Variants in SUPT3H observed in about 807,000 individuals in gnomAD.
The protein encoded by SUPT3H is transcription initiation protein SPT3 homolog.
SUPT3H carries 44 observed loss-of-function variants against 44.3 expected under a neutral mutation model. The observed-to-expected ratio is 0.99, with a 90% CI of 0.78 to 1.28. The LOEUF (loss-of-function observed/expected upper bound fraction) is 1.28. Among genes scored for constraint, SUPT3H ranks in the 50% most tolerant of loss-of-function variants. The pLI, the probability that SUPT3H is intolerant of heterozygous loss-of-function variation, is 0.00. For synonymous variants in SUPT3H, 124 were observed against 125.6 expected, an observed-to-expected ratio of 0.99 and a Z score of 0.09; for missense variants, 380 against 387.1, an observed-to-expected ratio of 0.98 and a Z score of 0.15.
In SUPT3H at chr6:45,115,940, G is replaced by A. The variant is rs915501815; in HGVS notation, c.102-9934C>T. 5.9e-5 allele frequency among the ~76,000 whole-genome samples: 9 copies of A among 152,142 alleles called. No individual in the cohort carries two copies. In the Middle Eastern group the frequency reaches 0.017, roughly 287 times the overall value. Reference sequence around the variant, plus strand: ...CTCATTCCAGTAAACACACCCTTGAGTGCCAACCAATCAACAACATTCTCA... The same window carrying A: ...CTCATTCCAGTAAACACACCCTTGAATGCCAACCAATCAACAACATTCTCA... On this transcript the variant is annotated intron_variant, in intron 2 of 10. Coordinates refer to ENST00000371459, the MANE Select transcript of SUPT3H (RefSeq NM_003599.4).
intron 2 of SUPT3H, among the ~76,000 whole-genome samples, chr6:45,299,335 C>CA (rs10657198): frequency 0.77 from 107,005 of 138,302 alleles, 41,633 homozygotes; most frequent in East Asian, 0.85. Flanking sequence ...GACTCTGCCT[C>CA]AAAAAAAAAA....
intron 4 of SUPT3H, among the ~76,000 whole-genome samples, chr6:45,016,105 T>G (rs1056986679): frequency 2.0e-5 from 3 of 152,128 alleles, no homozygotes; most frequent in Admixed American, 6.6e-5. Flanking sequence ...CATAATTTTA[T>G]GTGCTATGCT....
chr6:45,303,150 T>C (rs1027411846), intron 2 of SUPT3H, among the ~76,000 whole-genome samples: 3 of 152,098 alleles, frequency 2.0e-5, no homozygotes, highest in Non-Finnish European at 2.9e-5. Context: ...ATATAAAACC[T>C]GAAACTATAA....
At chr6:45,207,971 A>C (rs1029404812) in intron 2 of SUPT3H, among the ~76,000 whole-genome samples, 5 of 152,232 alleles carry the variant, frequency 3.3e-5, no homozygotes, top group Non-Finnish European at 7.3e-5. Flanking sequence ...AGAAAGAATT[A>C]AGCTTAGTTA....
At chr6:44,884,458 G>A (rs1334146071) in intron 10 of SUPT3H, among the ~76,000 whole-genome samples, 1 of 152,116 alleles carries the variant, frequency 6.6e-6, no homozygotes, top group Non-Finnish European at 1.5e-5. Context: ...ATTCCTCCAG[G>A]ATCTAGAAGC....
chr6:45,328,721 G>A, intron 2 of SUPT3H: 1 of 1,612,000 alleles, frequency 6.2e-7, no homozygotes, highest in Non-Finnish European at 8.5e-7. Context: ...AAAAAAAGGA[G>A]GGACTATGGC....
At chr6:44,934,720 C>T (rs968952831) in intron 9 of SUPT3H, among the ~76,000 whole-genome samples, 2 of 152,176 alleles carry the variant, frequency 1.3e-5, no homozygotes, top group African/African-American at 4.8e-5. Context: ...TGCCTATGAA[C>T]CAGGAAGTGG....
At chr6:45,289,588 A>C (rs775521202) in intron 2 of SUPT3H, among the ~76,000 whole-genome samples, 2 of 152,162 alleles carry the variant, frequency 1.3e-5, no homozygotes, top group Non-Finnish European at 2.9e-5. Flanking sequence ...TATTAAAGAG[A>C]TATCATCTGA....
At chr6:45,174,512 T>C (rs1417807189) in intron 2 of SUPT3H, among the ~76,000 whole-genome samples, 1 of 152,142 alleles carries the variant, frequency 6.6e-6, no homozygotes, top group Non-Finnish European at 1.5e-5. Context: ...TCATTGAGCA[T>C]AAAGTGAGGT....
chr6:45,143,668 CA>C (rs1805594803), intron 2 of SUPT3H, among the ~76,000 whole-genome samples: 1 of 151,840 alleles, frequency 6.6e-6, no homozygotes, highest in African/African-American at 2.4e-5. Flanking sequence ...AAACCAAACC[CA>C]AAGCCAGCAG....
chr6:45,126,668 G>T (rs773974267), intron 2 of SUPT3H, among the ~76,000 whole-genome samples: 2 of 152,150 alleles, frequency 1.3e-5, no homozygotes, highest in East Asian at 3.9e-4. Flanking sequence ...AAGGATTAAG[G>T]ACACTGACTA....
At chr6:45,127,322 T>G (rs1236014993) in intron 2 of SUPT3H, among the ~76,000 whole-genome samples, 1 of 151,932 alleles carries the variant, frequency 6.6e-6, no homozygotes, top group Admixed American at 6.6e-5. Flanking sequence ...TCAAAATAAA[T>G]AAATAATAAT....
At chr6:44,978,371 T>C (rs766547045) in intron 6 of SUPT3H, among the ~76,000 whole-genome samples, 5 of 152,274 alleles carry the variant, frequency 3.3e-5, no homozygotes, top group South Asian at 2.1e-4. Flanking sequence ...GTTAGTAACA[T>C]ACCTTGGATA....
At chr6:45,114,821 C>A (rs572629627) in intron 2 of SUPT3H, among the ~76,000 whole-genome samples, 1 of 152,008 alleles carries the variant, frequency 6.6e-6, no homozygotes, top group African/African-American at 2.4e-5. Context: ...AAAAAATAAT[C>A]TAAAAGATTA....
chr6:45,306,140 C>A (rs9395095), intron 2 of SUPT3H, among the ~76,000 whole-genome samples: 61,022 of 152,066 alleles, frequency 0.4, 12,682 homozygotes, highest in East Asian at 0.71. Context: ...CCACAAGTAC[C>A]CAGGCTTCAG....
At chr6:44,885,139 C>T (rs1006968519) in intron 10 of SUPT3H, among the ~76,000 whole-genome samples, 17 of 152,220 alleles carry the variant, frequency 1.1e-4, no homozygotes, top group African/African-American at 3.4e-4. Flanking sequence ...GAGCCCACCA[C>T]AGCTCAAGGG....
chr6:45,028,042 A>AACAATACTTC (rs1462142632), intron 3 of SUPT3H, among the ~76,000 whole-genome samples: 1 of 152,196 alleles, frequency 6.6e-6, no homozygotes, highest in Non-Finnish European at 1.5e-5. Flanking sequence ...AAATACTCAT[A>AACAATACTTC]ACAATACTTC....
chr6:44,917,128 TG>T (rs1270028129), intron 10 of SUPT3H, among the ~76,000 whole-genome samples: 6 of 151,962 alleles, frequency 3.9e-5, no homozygotes, highest in African/African-American at 1.5e-4. Flanking sequence ...CATTCCAGCC[TG>T]GGTAACAGAG....
chr6:45,347,580 A>G (rs1391160224), intron 2 of SUPT3H, among the ~76,000 whole-genome samples: 2 of 152,162 alleles, frequency 1.3e-5, no homozygotes, highest in Non-Finnish European at 2.9e-5. Context: ...TACATTCCAT[A>G]TATTTTTAAA....
Sources: gnomAD v4.1 joint callset for allele counts (sites outside exome capture counted in the v4.1 genomes callset) on GRCh38, gnomAD v4.1.1 for gene constraint, MANE v1.5 for transcripts, NCBI Gene and HGNC (gene_info 2026-07-23, HGNC 2026-07-21) for gene names.